Variants in SLC22A23 observed in about 807,000 individuals in gnomAD.
SLC22A23 encodes ion transporter protein.
SLC22A23 carries 26 observed loss-of-function variants against 61.0 expected under a neutral mutation model. The ratio of observed to expected loss-of-function variants is 0.43; its 90% confidence interval spans 0.31 to 0.59. SLC22A23 has a LOEUF of 0.59. SLC22A23 is among the 20% of genes least tolerant of loss of function. SLC22A23 has a pLI of 0.11. For synonymous variants in SLC22A23, 430 were observed against 413.9 expected (o/e 1.04, Z -0.47); for missense variants, 796 against 934.7 (o/e 0.85, Z 1.94).
At chr6:3,402,191 C>T (rs928033908) in intron 3 of SLC22A23, among the ~76,000 whole-genome samples, 11 of 152,184 alleles carry the variant, frequency 7.2e-5, no homozygotes, top group African/African-American at 2.7e-4. Context: ...TCTTCTTCCT[C>T]GCCTCACTAC....
At position 3,273,021 on chromosome 6, in the gene SLC22A23, C is replaced by T; in HGVS notation, c.*34G>A. The T allele has an allele frequency of 6.6e-7, 1 of 1,506,518 alleles. No homozygotes were observed. The highest frequency in any genetic ancestry group is 2.3e-5 in the East Asian group (1 of 43,836). 93.3% of individuals were successfully genotyped at this position (1,506,518 alleles called of 1,614,324 possible). The stretch of plus-strand genomic sequence containing the variant: ...TCTGTAAACCTGTGCCCAAGCTGCC[C>T]CAGACCCTGGAGCCCCGGGTTCCGC... On this transcript the variant is annotated 3_prime_UTR_variant, in exon 10 of 10. Coordinates refer to ENST00000406686, the MANE Select transcript of SLC22A23 (RefSeq NM_015482.2).
chr6:3,411,802 G>A (rs1311198104), intron 2 of SLC22A23, among the ~76,000 whole-genome samples: 3 of 152,190 alleles, frequency 2.0e-5, no homozygotes, highest in Non-Finnish European at 4.4e-5. Context: ...CTCAATGTAA[G>A]TCAATAATCT....
chr6:3,352,955 C>T (rs1481265988), intron 3 of SLC22A23, among the ~76,000 whole-genome samples: 4 of 152,144 alleles, frequency 2.6e-5, no homozygotes, highest in South Asian at 2.1e-4. Context: ...CTTGTCCCAA[C>T]AGGACTTTGT....
intron 9 of SLC22A23, among the ~76,000 whole-genome samples, chr6:3,275,440 A>T (rs1758802908): frequency 6.6e-6 from 1 of 152,196 alleles, no homozygotes; most frequent in Admixed American, 6.5e-5. Flanking sequence ...CAAAAGTAGG[A>T]TCCATAAAAG....
intron 3 of SLC22A23, among the ~76,000 whole-genome samples, chr6:3,347,465 A>G: frequency 6.6e-6 from 1 of 151,708 alleles, no homozygotes; most frequent in East Asian, 1.9e-4. Context: ...GGAGAATTTA[A>G]CTACACCAGG....
At chr6:3,373,227 T>C (rs1766341274) in intron 3 of SLC22A23, among the ~76,000 whole-genome samples, 1 of 152,226 alleles carries the variant, frequency 6.6e-6, no homozygotes, top group Non-Finnish European at 1.5e-5. Context: ...GATTCCCTGG[T>C]AGACAACCCT....
In SLC22A23 at chr6:3,386,207, C is replaced by A. The variant is rs1157521581; in HGVS notation, c.913+23981G>T. On this transcript the variant is annotated intron_variant, in intron 3 of 9. Transcript: ENST00000406686. This position sits in a 1 kb window ranked among gnomAD's most constrained non-coding sequence, Gnocchi z 4.4. ...CTGGGTTGACATTAGCTGGGAGCAT[C>A]ACAGGGAAGCCAGTGTGCCCTGACA... is the stretch of plus-strand genomic sequence containing the variant. Among the ~76,000 whole-genome samples the A allele has an allele frequency of 6.6e-6, 1 of 152,148 alleles. No homozygotes were observed. The highest frequency in any genetic ancestry group is 1.5e-5 in the Non-Finnish European group (1 of 68,012).
intron 3 of SLC22A23, among the ~76,000 whole-genome samples, chr6:3,391,157 C>T (rs532366148): frequency 1.3e-5 from 2 of 152,340 alleles, no homozygotes; most frequent in African/African-American, 4.8e-5. Flanking sequence ...GGTTATCATT[C>T]ATTATTCACC....
chr6:3,275,293 A>G (rs1648183781), intron 9 of SLC22A23, among the ~76,000 whole-genome samples: 1 of 152,240 alleles, frequency 6.6e-6, no homozygotes, highest in Non-Finnish European at 1.5e-5. Context: ...GACCCTTCAC[A>G]TCATGTAAAA....
intron 1 of SLC22A23, among the ~76,000 whole-genome samples, chr6:3,443,923 G>C (rs755889112): frequency 5.9e-5 from 9 of 152,184 alleles, no homozygotes; most frequent in Non-Finnish European, 1.2e-4. Context: ...TATAGCTTCT[G>C]AGTGTCCTAA....
chr6:3,294,101 G>A (rs754411095), intron 5 of SLC22A23, among the ~76,000 whole-genome samples: 1 of 152,158 alleles, frequency 6.6e-6, no homozygotes, highest in Non-Finnish European at 1.5e-5. Flanking sequence ...AGGTATCATG[G>A]AGTTACTGCT....
intron 6 of SLC22A23, among the ~76,000 whole-genome samples, chr6:3,288,611 G>A (rs1396207963): frequency 1.3e-5 from 2 of 152,218 alleles, no homozygotes; most frequent in Non-Finnish European, 2.9e-5. Flanking sequence ...CAGAGAGCTC[G>A]GTTCCCCGTC....
intron 3 of SLC22A23, among the ~76,000 whole-genome samples, chr6:3,354,582 G>A (rs759341806): frequency 6.6e-6 from 1 of 152,230 alleles, no homozygotes; most frequent in Non-Finnish European, 1.5e-5. Flanking sequence ...CTCAAGAAAG[G>A]ATGGGTGAAC....
intron 9 of SLC22A23, 32 bp from the exon 10 acceptor site, chr6:3,273,444 C>T: frequency 6.2e-7 from 1 of 1,606,630 alleles, no homozygotes; most frequent in Non-Finnish European, 8.5e-7. Flanking sequence ...GGGATTGCTG[C>T]TGTGGGCTAG....
rs976745189 is a variant in SLC22A23 at position 3,270,840 on chromosome 6, A to C, written c.*2215T>G. 3 of 149,792 alleles carry C rather than the reference A, an allele frequency of 2.0e-5. No individual in the cohort carries two copies. Among genetic ancestry groups the C allele is most frequent in the Non-Finnish European group, 4.5e-5 (3 of 66,740 alleles). 9.3% of individuals were successfully genotyped at this position (149,792 alleles called of 1,614,324 possible). ...CACTCTACAGCTTCAATTTCCAAAA[A>C]AAAAAAAAAGTTTACACGACCAGTG... On this transcript the variant is annotated 3_prime_UTR_variant, in exon 10 of 10. Coordinates refer to ENST00000406686, the MANE Select transcript of SLC22A23 (RefSeq NM_015482.2).
At position 3,286,100 on chromosome 6, in the gene SLC22A23, ATTTTT is replaced by A. The variant is rs34898819; in HGVS notation, c.1546+754_1546+758del. ...GATGGACTCTCTAGCTTTGCCTTAG[ATTTTT>A]TTTTTTTTTTTGAGATGGAGTCTTG... is the stretch of plus-strand genomic sequence containing the variant. On this transcript the variant is annotated intron_variant, in intron 7 of 9. Coordinates refer to ENST00000406686, the MANE Select transcript of SLC22A23 (RefSeq NM_015482.2). This position sits in a 1 kb window ranked among gnomAD's most constrained non-coding sequence, Gnocchi z 4.2. 9.3e-4 allele frequency among the ~76,000 whole-genome samples: 132 copies of A among 142,070 alleles called. 1 individual carries two copies. The highest frequency in any genetic ancestry group is 3.4e-3 in the African/African-American group (132 of 38,970). The allele number at this position is 142,070 out of a possible 152,430, so 93.2% of individuals were successfully genotyped here.
intron 1 of SLC22A23, among the ~76,000 whole-genome samples, chr6:3,440,767 G>A (rs564444057): frequency 3.3e-5 from 5 of 152,158 alleles, no homozygotes; most frequent in Admixed American, 3.3e-4. Context: ...GGAAGACTGT[G>A]TGAGGACACG....
intron 9 of SLC22A23, chr6:3,283,424 C>T (rs1465806497): frequency 7.5e-6 from 2 of 265,268 alleles, no homozygotes; most frequent in East Asian, 2.0e-4. Context: ...AAGAGTGAAA[C>T]TCCATCTCGG....
At position 3,270,585 on chromosome 6, in the gene SLC22A23, C is replaced by CTT. The variant is rs1345971227; in HGVS notation, c.*2469_*2470insAA. On this transcript the variant is annotated 3_prime_UTR_variant, in exon 10 of 10. Coordinates refer to ENST00000406686, the MANE Select transcript of SLC22A23 (RefSeq NM_015482.2). The stretch of plus-strand genomic sequence containing the variant: ...CTGAGAGCCATTACCTGCCGACCGT[C>CTT]GGCAAGTCAGCCTCACACCCACTGG... The CTT allele has an allele frequency of 2.0e-5, 3 of 151,262 alleles. No individual in the cohort carries two copies. Among genetic ancestry groups the CTT allele is most frequent in the Non-Finnish European group, 2.9e-5 (2 of 67,804 alleles). The allele number at this position is 151,262 out of a possible 1,614,324, so 9.4% of individuals were successfully genotyped here.
Sources: allele counts gnomAD v4.1 joint callset (sites outside exome capture counted in the v4.1 genomes callset), GRCh38; gene constraint gnomAD v4.1.1; non-coding constraint Gnocchi (gnomAD v3.1); transcripts MANE v1.5; gene names NCBI Gene and HGNC (gene_info 2026-07-23, HGNC 2026-07-21).